Variants in ZNF365 observed in about 807,000 individuals in gnomAD.
ZNF365 encodes protein ZNF365.
A neutral mutation model predicts 35.0 loss-of-function variants in ZNF365; 22 were observed. The ratio of observed to expected loss-of-function variants is 0.63; its 90% CI spans 0.45 to 0.90. ZNF365 has a LOEUF of 0.90. ZNF365 is among the 40% of genes least tolerant of loss of function. ZNF365 has a pLI of 0.00. For synonymous variants in ZNF365, 188 were observed against 196.2 expected (o/e 0.96, Z 0.35); for missense variants, 448 against 500.3 (o/e 0.90, Z 1.00).
intron 3 of ZNF365, among the ~76,000 whole-genome samples, chr10:62,396,959 T>C (rs1158524456): frequency 6.6e-6 from 1 of 152,224 alleles, no homozygotes; most frequent in Non-Finnish European, 1.5e-5. Flanking sequence ...ATTTATACAT[T>C]GACTGAAGTT....
At chr10:62,459,241 G>A (rs12220488) in intron 3 of ZNF365, among the ~76,000 whole-genome samples, 63,334 of 152,028 alleles carry the variant, frequency 0.42, 16,049 homozygotes, top group Middle Eastern at 0.58. Flanking sequence ...CTCACATGGG[G>A]ATGACTTCAA....
chr10:62,395,405 A>G (rs1453356733), intron 3 of ZNF365, among the ~76,000 whole-genome samples: 2 of 147,946 alleles, frequency 1.4e-5, no homozygotes, highest in Non-Finnish European at 3.0e-5. Context: ...TGGCATGATC[A>G]TGGCTCACTG....
At chr10:62,426,546 C>T (rs1161138593) in intron 3 of ZNF365, among the ~76,000 whole-genome samples, 1 of 151,924 alleles carries the variant, frequency 6.6e-6, no homozygotes, top group Non-Finnish European at 1.5e-5. Context: ...GCTCACAGGC[C>T]CTAAAAATAG....
intron 3 of ZNF365, among the ~76,000 whole-genome samples, chr10:62,391,597 G>A (rs539005253): frequency 6.6e-6 from 1 of 152,314 alleles, no homozygotes; most frequent in East Asian, 1.9e-4. Flanking sequence ...ATGGCTGAGT[G>A]GTATTCCACG....
intron 3 of ZNF365, among the ~76,000 whole-genome samples, chr10:62,418,497 G>A (rs1412077957): frequency 6.6e-6 from 1 of 151,932 alleles, no homozygotes. Flanking sequence ...CAATCAGAAG[G>A]GGTGCCTGAG....
At chr10:62,395,151 A>G (rs1480136047) in intron 3 of ZNF365, among the ~76,000 whole-genome samples, 1 of 152,144 alleles carries the variant, frequency 6.6e-6, no homozygotes. Context: ...CAAAGATATT[A>G]TTCAAAACTT....
chr10:62,437,902 G>A (rs1350126032), intron 3 of ZNF365, among the ~76,000 whole-genome samples: 1 of 152,172 alleles, frequency 6.6e-6, no homozygotes, highest in Non-Finnish European at 1.5e-5. Context: ...GTCGCCTGGT[G>A]AGATTTGGTT....
chr10:62,378,140 A>C lies in ZNF365; in HGVS notation c.743+1204A>C, dbSNP rs894252341. On this transcript the variant is annotated intron_variant, in intron 2 of 4. Transcript: ENST00000395254. ...GCTCCTAGGGAAATAATCTCTAATG[A>C]AAAATGTTTCCCTTTTGGTTTCTGG... Among the ~76,000 whole-genome samples the C allele has an allele frequency of 9.2e-5, 14 of 152,198 alleles. No individual in the cohort carries two copies. The East Asian group carries it at 2.5e-3, about 27-fold the overall frequency.
chr10:62,425,192 G>A (rs1840233206), intron 3 of ZNF365, among the ~76,000 whole-genome samples: 1 of 151,964 alleles, frequency 6.6e-6, no homozygotes, highest in Non-Finnish European at 1.5e-5. Context: ...AAAAAATAAA[G>A]TTTTCTTCAT....
At chr10:62,459,981 T>C (rs1840821290) in intron 4 of ZNF365, among the ~76,000 whole-genome samples, 1 of 152,254 alleles carries the variant, frequency 6.6e-6, no homozygotes, top group African/African-American at 2.4e-5. Flanking sequence ...TTTCTTCCTT[T>C]AAAATGAGGG....
Position 62,376,086 on chromosome 10 carries a change from A to G in ZNF365, c.-13-95A>G. On this transcript the variant is annotated intron_variant, in intron 1 of 4. Coordinates refer to ENST00000395254, the MANE Select transcript of ZNF365 (RefSeq NM_014951.3). ...ATATTATGTGCAAAAGTCACTTGAA[A>G]CCAAAAAGCCTCTGCTGTCATGGAG... 6 of 1,389,878 alleles carry G rather than the reference A, an allele frequency of 4.3e-6. No homozygotes were observed. The South Asian group carries it at 8.4e-5, about 19-fold the overall frequency. 86.1% of individuals were successfully genotyped at this position (1,389,878 alleles called of 1,614,324 possible).
Position 62,376,829 on chromosome 10 carries a change from G to C in ZNF365, c.636G>C (p.Gln212His). 1 of 1,614,206 alleles carries C rather than the reference G, an allele frequency of 6.2e-7. No individual in the cohort carries two copies. The highest frequency in any genetic ancestry group is 8.5e-7 in the Non-Finnish European group (1 of 1,180,032). Residue 212 changes from glutamine to histidine, a missense_variant, in exon 2 of 5, where the codon CAG becomes CAC. Physicochemically the swap from Gln to His is conservative, Grantham distance 24. Transcript: ENST00000395254. ...TGACTCAGAAAAAGCAGGAAGTTCAGAGACGAGAGCGGGCCTTAAACAGAC... is the reference window on the plus strand; with the variant it reads ...TGACTCAGAAAAAGCAGGAAGTTCACAGACGAGAGCGGGCCTTAAACAGAC... Reference protein sequence around the residue: ...VQLTQKKQEVQRRERALNRQV... With the variant: ...VQLTQKKQEVHRRERALNRQV...
intron 3 of ZNF365, among the ~76,000 whole-genome samples, chr10:62,446,195 G>A (rs540531810): frequency 1.8e-4 from 27 of 152,292 alleles, no homozygotes; most frequent in Non-Finnish European, 3.5e-4. Context: ...AGAGTTCCAA[G>A]TAGCAAATTC....
At chr10:62,417,626 T>C (rs1840095322) in intron 3 of ZNF365, among the ~76,000 whole-genome samples, 1 of 151,642 alleles carries the variant, frequency 6.6e-6, no homozygotes, top group African/African-American at 2.4e-5. Flanking sequence ...TATTTTTGCC[T>C]TAGAAATGAA....
At chr10:62,446,091 G>A (rs1415506755) in intron 3 of ZNF365, among the ~76,000 whole-genome samples, 1 of 152,204 alleles carries the variant, frequency 6.6e-6, no homozygotes, top group African/African-American at 2.4e-5. Context: ...GAAAACCCAA[G>A]TCACTGCACT....
At chr10:62,439,985 C>T (rs759069176) in intron 3 of ZNF365, among the ~76,000 whole-genome samples, 21 of 152,208 alleles carry the variant, frequency 1.4e-4, no homozygotes, top group Admixed American at 2.6e-4. Context: ...TTGTCCTGTC[C>T]GCACTTTCTC....
At position 62,402,430 on chromosome 10, in the gene ZNF365, T is replaced by A. The variant is rs1013502943; in HGVS notation, c.*2641T>A. On this transcript the variant is annotated 3_prime_UTR_variant, in exon 5 of 5. Coordinates refer to ENST00000395254, the MANE Select transcript of ZNF365 (RefSeq NM_014951.3). ...TTTAGATTATGAAATATTATGATAA[T>A]AAAGCTATATTTCTGACTAATGTGT... 3.4e-5 allele frequency: 33 copies of A among 985,012 alleles called. No individual in the cohort carries two copies. The highest frequency in any genetic ancestry group is 6.1e-5 in the Admixed American group (1 of 16,274). The allele number at this position is 985,012 out of a possible 1,614,324, so 61.0% of individuals were successfully genotyped here.
chr10:62,380,525 G>A (rs1425737569), intron 2 of ZNF365, among the ~76,000 whole-genome samples: 6 of 152,174 alleles, frequency 3.9e-5, no homozygotes, highest in Non-Finnish European at 7.4e-5. Context: ...AGTTATACTT[G>A]GATTTTCAAC....
At chr10:62,413,702 C>T (rs1192900770) in intron 3 of ZNF365, among the ~76,000 whole-genome samples, 2 of 151,728 alleles carry the variant, frequency 1.3e-5, no homozygotes, top group Non-Finnish European at 2.9e-5. Flanking sequence ...CACCCTAGAT[C>T]TATTGAATTG....
Sources: gnomAD v4.1 joint callset for allele counts (sites outside exome capture counted in the v4.1 genomes callset) on GRCh38, gnomAD v4.1.1 for gene constraint, MANE v1.5 for transcripts, NCBI Gene and HGNC (gene_info 2026-07-23, HGNC 2026-07-21) for gene names.